The following MSRA variants were observed in gnomAD, a reference collection of about 807,000 sequenced individuals.
MSRA encodes mitochondrial peptide methionine sulfoxide reductase.
MSRA carries 54 observed loss-of-function variants against 31.3 expected under a neutral mutation model. That is an observed-to-expected ratio of 1.73 (90% CI 1.39 to 2.17). MSRA has a LOEUF of 2.17. MSRA is among the 30% of genes most tolerant of loss of function. The probability of loss-of-function intolerance (pLI) is 0.00; values close to 1 mark genes in which losing one functional copy is unlikely to be tolerated. For synonymous variants in MSRA, 169 were observed against 116.5 expected, an observed-to-expected ratio of 1.45 and a Z score of -2.90; for missense variants, 507 against 300.9, an observed-to-expected ratio of 1.69 and a Z score of -5.07.
intron 1 of MSRA, among the ~76,000 whole-genome samples, chr8:10,149,045 T>A (rs1337336545): frequency 6.6e-6 from 1 of 150,784 alleles, no homozygotes; most frequent in Non-Finnish European, 1.5e-5. Flanking sequence ...AACCTCTGCC[T>A]CCCAGGTTCC....
intron 1 of MSRA, among the ~76,000 whole-genome samples, chr8:10,196,251 C>A (rs1025617765): frequency 6.6e-6 from 1 of 152,210 alleles, no homozygotes; most frequent in Non-Finnish European, 1.5e-5. Context: ...GCCACCTTCT[C>A]TTCGTGCTGT....
chr8:10,127,646 A>G (rs112417280), intron 1 of MSRA, among the ~76,000 whole-genome samples: 5,607 of 152,274 alleles, frequency 0.037, 143 homozygotes, highest in South Asian at 0.065. Context: ...CCATCAATGG[A>G]TATTTGATAT....
At chr8:10,343,050 CACAG>C (rs57289995) in intron 5 of MSRA, among the ~76,000 whole-genome samples, 4,656 of 73,118 alleles carry the variant, frequency 0.064, 111 homozygotes, top group East Asian at 0.15. Flanking sequence ...CACACACACA[CACAG>C]ACACACACAC....
At chr8:10,055,820 G>C (rs916463900) in intron 1 of MSRA, among the ~76,000 whole-genome samples, 10 of 152,166 alleles carry the variant, frequency 6.6e-5, no homozygotes, top group African/African-American at 2.4e-4. Context: ...AGAAAAGGTA[G>C]AGGTTTTTTG....
chr8:10,288,709 T>C (rs373767141), intron 3 of MSRA, among the ~76,000 whole-genome samples: 2 of 152,216 alleles, frequency 1.3e-5, no homozygotes, highest in African/African-American at 4.8e-5. Context: ...AAAATGTACT[T>C]ACATTTATTA....
chr8:10,114,649 T>A (rs1800549770), intron 1 of MSRA, among the ~76,000 whole-genome samples: 1 of 152,182 alleles, frequency 6.6e-6, no homozygotes, highest in African/African-American at 2.4e-5. Flanking sequence ...AGGTCTTACG[T>A]AGCTGAGGAT....
chr8:10,243,030 C>G (rs755230214), intron 2 of MSRA, among the ~76,000 whole-genome samples: 52 of 152,152 alleles, frequency 3.4e-4, no homozygotes, highest in Non-Finnish European at 5.3e-4. Context: ...TCTCTACTTG[C>G]AGCTAATGTT....
chr8:10,161,024 C>T (rs1002540039), intron 1 of MSRA, among the ~76,000 whole-genome samples: 9 of 152,120 alleles, frequency 5.9e-5, no homozygotes, highest in East Asian at 1.9e-4. Flanking sequence ...ATGAATAAGG[C>T]GAGAGCCTCC....
At chr8:10,238,765 A>G (rs1272074961) in intron 2 of MSRA, among the ~76,000 whole-genome samples, 2 of 152,242 alleles carry the variant, frequency 1.3e-5, no homozygotes, top group Non-Finnish European at 2.9e-5. Flanking sequence ...TTATTTCCAT[A>G]TGGTCTAACA....
chr8:10,210,073 T>G (rs929329457), intron 2 of MSRA, among the ~76,000 whole-genome samples: 3 of 152,010 alleles, frequency 2.0e-5, no homozygotes, highest in African/African-American at 7.3e-5. Context: ...AGTAGGGGAT[T>G]TGGGGGGTTT....
chr8:10,420,083 G>T (rs1808719016), intron 5 of MSRA, among the ~76,000 whole-genome samples: 1 of 152,312 alleles, frequency 6.6e-6, no homozygotes, highest in African/African-American at 2.4e-5. Context: ...CATGTACGTA[G>T]AGTGGAATAG....
intron 1 of MSRA, among the ~76,000 whole-genome samples, chr8:10,079,204 G>T (rs370625435): frequency 1.3e-5 from 2 of 152,092 alleles, no homozygotes; most frequent in South Asian, 2.1e-4. Flanking sequence ...TGTGGGCCAG[G>T]CTGGAGTGCA....
At chr8:10,402,146 C>G (rs751497799) in intron 5 of MSRA, among the ~76,000 whole-genome samples, 1 of 152,220 alleles carries the variant, frequency 6.6e-6, no homozygotes, top group Non-Finnish European at 1.5e-5. Context: ...GCATTTCGAT[C>G]GTGAACATTG....
chr8:10,285,718 C>G (rs1471592185), intron 3 of MSRA, among the ~76,000 whole-genome samples: 1 of 151,992 alleles, frequency 6.6e-6, no homozygotes, highest in Non-Finnish European at 1.5e-5. Context: ...TTTTCAGCTT[C>G]CACGTATGAG....
At chr8:10,332,031 G>A (rs1362392258) in intron 5 of MSRA, among the ~76,000 whole-genome samples, 1 of 152,180 alleles carries the variant, frequency 6.6e-6, no homozygotes, top group Admixed American at 6.5e-5. Context: ...CCTTTCTAGA[G>A]ATCCTCAAAT....
At position 10,116,705 on chromosome 8, in the gene MSRA, T is replaced by G. The variant is rs186430925; in HGVS notation, c.142+62047T>G. ...ATGGAGTTTTGAGATTACAGGCTCATGCCTGTAATCTCAGCACTTTGGGAG... is the reference window on the plus strand; with the variant it reads ...ATGGAGTTTTGAGATTACAGGCTCAGGCCTGTAATCTCAGCACTTTGGGAG... On this transcript the variant is annotated intron_variant, in intron 1 of 5. Transcript: ENST00000317173. 3.7e-3 allele frequency among the ~76,000 whole-genome samples: 556 copies of G among 152,162 alleles called. 6 individuals carry two copies. The highest frequency in any genetic ancestry group is 6.4e-3 in the Non-Finnish European group (433 of 67,996).
At chr8:10,196,764 G>C (rs949541433) in intron 1 of MSRA, among the ~76,000 whole-genome samples, 1 of 151,474 alleles carries the variant, frequency 6.6e-6, no homozygotes, top group Non-Finnish European at 1.5e-5. Context: ...TAGAAATGGG[G>C]TTTCACCATG....
At chr8:10,326,475 G>A (rs1039098919) in intron 5 of MSRA, 7 of 152,162 alleles carry the variant, frequency 4.6e-5, no homozygotes, top group Non-Finnish European at 7.3e-5. Flanking sequence ...ATTAAAAGAG[G>A]CAGGAAAGAC....
At chr8:10,225,715 T>G (rs969248399) in intron 2 of MSRA, among the ~76,000 whole-genome samples, 1 of 152,156 alleles carries the variant, frequency 6.6e-6, no homozygotes, top group Admixed American at 6.5e-5. Context: ...GATGTAGATG[T>G]CTGACGAGCC....
Sources: allele counts gnomAD v4.1 joint callset (sites outside exome capture counted in the v4.1 genomes callset), GRCh38; gene constraint gnomAD v4.1.1; transcripts MANE v1.5; gene names NCBI Gene and HGNC (gene_info 2026-07-23, HGNC 2026-07-21).